FNDC3B: variants seen among roughly 807,000 people sequenced by gnomAD.
FNDC3B encodes fibronectin type III domain containing 3B, also known as fibronectin type III domain-containing protein 3B.
In FNDC3B, 12 loss-of-function variants were observed where a neutral mutation model predicts 151.5. The ratio of observed to expected loss-of-function variants is 0.08; its 90% CI spans 0.05 to 0.13. The LOEUF (loss-of-function observed/expected upper bound fraction) is 0.13. Among genes scored for constraint, FNDC3B ranks in the 10% least tolerant of loss-of-function variants. The pLI is 1.00. For synonymous variants in FNDC3B, 528 were observed against 549.0 expected (o/e 0.96, Z 0.54); for missense variants, 1,214 against 1,505.3 (o/e 0.81, Z 3.20).
At chr3:172,150,845 G>A (rs1303486447) in intron 3 of FNDC3B, among the ~76,000 whole-genome samples, 3 of 151,984 alleles carry the variant, frequency 2.0e-5, no homozygotes, top group Non-Finnish European at 4.4e-5. Context: ...GTGTCCATCC[G>A]CTCAAGTGTT....
intron 2 of FNDC3B, among the ~76,000 whole-genome samples, chr3:172,122,168 CAT>C (rs1392288745): frequency 6.6e-6 from 1 of 152,202 alleles, no homozygotes; most frequent in Non-Finnish European, 1.5e-5. Flanking sequence ...TTGATTTAAA[CAT>C]ATGACTATAT....
chr3:172,115,119 T>G (rs930516589), intron 2 of FNDC3B, among the ~76,000 whole-genome samples: 6 of 152,226 alleles, frequency 3.9e-5, no homozygotes, highest in African/African-American at 1.4e-4. Context: ...GTGGCCTCTG[T>G]GCTTGACATT....
intron 11 of FNDC3B, among the ~76,000 whole-genome samples, chr3:172,314,513 C>G (rs973438194): frequency 6.6e-6 from 1 of 152,154 alleles, no homozygotes; most frequent in Admixed American, 6.5e-5. Context: ...CCAGGTATCC[C>G]CTGCAGCCCC....
At chr3:172,161,134 T>C (rs1436380193) in intron 3 of FNDC3B, among the ~76,000 whole-genome samples, 1 of 152,232 alleles carries the variant, frequency 6.6e-6, no homozygotes, top group African/African-American at 2.4e-5. Flanking sequence ...AGAACTGTCA[T>C]TAGAAGCAGG....
chr3:172,067,965 G>A (rs1221845277), intron 1 of FNDC3B, among the ~76,000 whole-genome samples: 1 of 152,124 alleles, frequency 6.6e-6, no homozygotes, highest in Non-Finnish European at 1.5e-5. Context: ...CCTCTGGGCT[G>A]TACATGGCCT....
chr3:172,325,040 ACAC>A (rs1184748303), intron 11 of FNDC3B, among the ~76,000 whole-genome samples: 1 of 152,194 alleles, frequency 6.6e-6, no homozygotes, highest in Admixed American at 6.5e-5. Flanking sequence ...TCTGTGTGAC[ACAC>A]CACAAGTGGC....
chr3:172,151,193 A>G (rs1722202995), intron 3 of FNDC3B, among the ~76,000 whole-genome samples: 1 of 152,202 alleles, frequency 6.6e-6, no homozygotes, highest in African/African-American at 2.4e-5. Flanking sequence ...GTGTGTACTC[A>G]TACAGACACA....
intron 3 of FNDC3B, among the ~76,000 whole-genome samples, chr3:172,145,021 G>A (rs1394280589): frequency 6.7e-6 from 1 of 149,186 alleles, no homozygotes; most frequent in African/African-American, 2.5e-5. Context: ...TTTTCTATTT[G>A]AAGAGAAAAG....
chr3:172,362,863 A>G lies in FNDC3B; in HGVS notation c.3008+18A>G, dbSNP rs759835248. ...AACAAGAGGTGAGGTGGGGGTGAGGATGCTCCTGAAGCTTCTGTAGCTTTG... is the reference window on the plus strand; with the variant it reads ...AACAAGAGGTGAGGTGGGGGTGAGGGTGCTCCTGAAGCTTCTGTAGCTTTG... On this transcript the variant is annotated intron_variant, in intron 23 of 25. Transcript: ENST00000415807. 1.3e-6 allele frequency: 2 copies of G among 1,586,002 alleles called. No homozygotes were observed. The highest frequency in any genetic ancestry group is 1.7e-6 in the Non-Finnish European group (2 of 1,158,020).
intron 6 of FNDC3B, among the ~76,000 whole-genome samples, chr3:172,277,904 T>G (rs1483032849): frequency 6.6e-6 from 1 of 152,212 alleles, no homozygotes; most frequent in Non-Finnish European, 1.5e-5. Flanking sequence ...TACCCACACA[T>G]GTAACACTTG....
At chr3:172,193,133 C>CCTTT in intron 3 of FNDC3B, among the ~76,000 whole-genome samples, 2 of 115,878 alleles carry the variant, frequency 1.7e-5, no homozygotes, top group East Asian at 5.3e-4. Context: ...TCCCTCCCTT[C>CCTTT]CTTTCCCTGC....
rs577355999 is a variant in FNDC3B, at chr3:172,199,192, T to A, written c.188-27679T>A. 1.1e-3 allele frequency among the ~76,000 whole-genome samples: 157 copies of A among 148,882 alleles called. 1 individual carries two copies. Among genetic ancestry groups the A allele is most frequent in the African/African-American group, 3.3e-3 (134 of 40,990 alleles). The stretch of plus-strand genomic sequence containing the variant: ...ATATTTTATTTTATTTTTTATTTTT[T>A]TTTTTTTGAGACGGAGTCTCGCTGT... On this transcript the variant is annotated intron_variant, in intron 3 of 25. Transcript: ENST00000415807.
At chr3:172,200,983 A>G (rs1414523696) in intron 3 of FNDC3B, among the ~76,000 whole-genome samples, 2 of 152,254 alleles carry the variant, frequency 1.3e-5, no homozygotes, top group African/African-American at 4.8e-5. Context: ...TGTTTTCAAT[A>G]TCTCTGCCGT....
intron 1 of FNDC3B, among the ~76,000 whole-genome samples, chr3:172,069,984 T>C (rs555801281): frequency 1.3e-5 from 2 of 152,340 alleles, no homozygotes; most frequent in South Asian, 4.1e-4. Flanking sequence ...CTGAGAGTTG[T>C]GTGCCTTTCC....
intron 11 of FNDC3B, among the ~76,000 whole-genome samples, chr3:172,322,889 T>C (rs993637569): frequency 3.9e-5 from 6 of 152,238 alleles, no homozygotes; most frequent in African/African-American, 1.4e-4. Context: ...CTCTGCCTGC[T>C]CCCTTAGTGA....
intron 8 of FNDC3B, 105 bp downstream of exon 8, chr3:172,295,619 CTTTAG>C (rs2108841061): frequency 9.7e-7 from 1 of 1,029,188 alleles, no homozygotes; most frequent in African/African-American, 1.6e-5. Context: ...GCAAATTTTC[CTTTAG>C]TTTATTTTAA....
chr3:172,116,722 C>T (rs991308581), intron 2 of FNDC3B, among the ~76,000 whole-genome samples: 9 of 152,246 alleles, frequency 5.9e-5, no homozygotes, highest in African/African-American at 1.9e-4. Context: ...TATGCCACCA[C>T]GCCTGGCTAA....
At chr3:172,365,346 G>A (rs1734561641) in intron 23 of FNDC3B, among the ~76,000 whole-genome samples, 1 of 152,160 alleles carries the variant, frequency 6.6e-6, no homozygotes, top group Non-Finnish European at 1.5e-5. Flanking sequence ...TTAACCACCA[G>A]TAAGTTCTTC....
At chr3:172,133,380 C>A in intron 2 of FNDC3B, 91 bp from the exon 3 acceptor site, 1 of 979,420 alleles carries the variant, frequency 1.0e-6, no homozygotes, top group Non-Finnish European at 1.6e-6. Context: ...ATGCCACATG[C>A]TTCCTGTCTA....
Sources: allele counts gnomAD v4.1 joint callset (sites outside exome capture counted in the v4.1 genomes callset), GRCh38; gene constraint gnomAD v4.1.1; transcripts MANE v1.5; gene names NCBI Gene and HGNC (gene_info 2026-07-23, HGNC 2026-07-21).